TMEM63C: variants seen among roughly 807,000 people sequenced by gnomAD.
TMEM63C encodes osmosensitive cation channel TMEM63C.
TMEM63C carries 32 observed loss-of-function variants against 99.2 expected under a neutral mutation model. The observed-to-expected ratio is 0.32, with a 90% confidence interval of 0.24 to 0.43. The LOEUF is 0.43. Ranked by LOEUF, TMEM63C falls within the 20% of genes least tolerant of loss-of-function variation. TMEM63C has a pLI of 1.00. For synonymous variants in TMEM63C, 376 were observed against 397.9 expected (o/e 0.94, Z 0.66); for missense variants, 826 against 1,053.0 (o/e 0.78, Z 2.98).
At chr14:77,210,711 T>G (rs116567961) in intron 1 of TMEM63C, among the ~76,000 whole-genome samples, 5,157 of 151,200 alleles carry the variant, frequency 0.034, 158 homozygotes, top group African/African-American at 0.08. Flanking sequence ...GAGGTGGGAG[T>G]GGATGCCCAT....
intron 1 of TMEM63C, among the ~76,000 whole-genome samples, chr14:77,210,457 T>G (rs941696055): frequency 6.6e-6 from 1 of 152,180 alleles, no homozygotes; most frequent in African/African-American, 2.4e-5. Context: ...GAGGATGGTA[T>G]GGGGCAGGGA....
At position 77,249,236 on chromosome 14, in the gene TMEM63C, A is replaced by C. The variant is rs1403097687; in HGVS notation, c.1871-55A>C. The C allele has an allele frequency of 2.5e-6, 4 of 1,582,920 alleles. No individual in the cohort carries two copies. The African/African-American group carries it at 4.0e-5, about 16-fold the overall frequency. On this transcript the variant is annotated intron_variant, in intron 20 of 23. Transcript: ENST00000298351. ...TCAGGCCTGTGGAGACACTGGAGCCACAAAGGTCCAGACTTGAAGGGGCCA... is the reference window on the plus strand; with the variant it reads ...TCAGGCCTGTGGAGACACTGGAGCCCCAAAGGTCCAGACTTGAAGGGGCCA...
chr14:77,184,748 T>A (rs1051476911), intron 1 of TMEM63C, among the ~76,000 whole-genome samples: 3 of 152,048 alleles, frequency 2.0e-5, no homozygotes, highest in Non-Finnish European at 4.4e-5. Flanking sequence ...GCATGGGTGG[T>A]GTAAATGGAA....
intron 8 of TMEM63C, 146 bp downstream of exon 8, chr14:77,233,646 C>T: frequency 1.3e-6 from 1 of 788,550 alleles, no homozygotes; most frequent in Non-Finnish European, 2.1e-6. Context: ...GAGTGAGATG[C>T]CAGAAGCTGC....
intron 9 of TMEM63C, among the ~76,000 whole-genome samples, chr14:77,237,418 G>C (rs1170634355): frequency 6.6e-6 from 1 of 152,138 alleles, no homozygotes; most frequent in African/African-American, 2.4e-5. Context: ...GTTTATGGGA[G>C]GTGATCCCAG....
intron 6 of TMEM63C, among the ~76,000 whole-genome samples, chr14:77,227,532 T>C (rs1218053342): frequency 6.6e-6 from 1 of 152,212 alleles, no homozygotes; most frequent in East Asian, 1.9e-4. Context: ...GAGTTAGAGA[T>C]TTCAACTTGG....
At chr14:77,215,039 G>A (rs1353568011) in intron 2 of TMEM63C, among the ~76,000 whole-genome samples, 1 of 152,018 alleles carries the variant, frequency 6.6e-6, no homozygotes, top group African/African-American at 2.4e-5. Flanking sequence ...TTGCTGGGGG[G>A]AAGCCTCTAC....
In TMEM63C at chr14:77,239,595, G is replaced by T. The variant is rs559227190; in HGVS notation, c.807-8G>T. On this transcript the variant is annotated splice_region_variant and splice_polypyrimidine_tract_variant and intron_variant, in intron 11 of 23. Coordinates refer to ENST00000298351, the MANE Select transcript of TMEM63C (RefSeq NM_020431.4). ...GCAGGTCCTTCTCCTGTTGCCCACCGCTGGCAGGCGCCATGCCATGCGGGG... is the reference window on the plus strand; with the variant it reads ...GCAGGTCCTTCTCCTGTTGCCCACCTCTGGCAGGCGCCATGCCATGCGGGG... 6.2e-7 allele frequency: 1 copy of T among 1,613,222 alleles called. No homozygotes were observed. Among genetic ancestry groups the T allele is most frequent in the African/African-American group, 1.3e-5 (1 of 75,052 alleles).
chr14:77,191,780 G>A (rs1888115468), intron 1 of TMEM63C, among the ~76,000 whole-genome samples: 1 of 152,068 alleles, frequency 6.6e-6, no homozygotes, highest in Non-Finnish European at 1.5e-5. Context: ...CCGACCTCAG[G>A]TGATCCGCCT....
chr14:77,190,279 T>C (rs931453338), intron 1 of TMEM63C, among the ~76,000 whole-genome samples: 7 of 152,064 alleles, frequency 4.6e-5, no homozygotes, highest in Non-Finnish European at 8.8e-5. Context: ...AAACTGAGTT[T>C]TCATAAAATT....
At chr14:77,233,683 G>C (rs1888985390) in intron 8 of TMEM63C, among the ~76,000 whole-genome samples, 183 bp downstream of exon 8, 1 of 151,948 alleles carries the variant, frequency 6.6e-6, no homozygotes, top group African/African-American at 2.4e-5. Flanking sequence ...AGGACTCTTG[G>C]TGTGAGATGA....
chr14:77,221,825 C>G (rs1431282763), intron 5 of TMEM63C, among the ~76,000 whole-genome samples: 1 of 151,374 alleles, frequency 6.6e-6, no homozygotes, highest in Non-Finnish European at 1.5e-5. Flanking sequence ...TGCCTGCGTT[C>G]TCTGAAACGT....
In TMEM63C at chr14:77,245,923, T is replaced by C. The variant is rs750358883; in HGVS notation, c.1449-17T>C. 1 of 1,602,200 alleles carries C rather than the reference T, an allele frequency of 6.2e-7. No individual in the cohort carries two copies. ...TAGGCCACGTCCATTGATGAATATC[T>C]CTCTGTTTCCTTCTAGATCAAGTCA... On this transcript the variant is annotated splice_polypyrimidine_tract_variant and intron_variant, in intron 16 of 23. Coordinates refer to ENST00000298351, the MANE Select transcript of TMEM63C (RefSeq NM_020431.4).
intron 14 of TMEM63C, 24 bp downstream of exon 14, chr14:77,242,493 TCTCCTCTGAG>T (rs1418776453): frequency 4.3e-6 from 7 of 1,610,844 alleles, no homozygotes; most frequent in Non-Finnish European, 5.1e-6. Flanking sequence ...ATCCCTCCCC[TCTCCTCTGAG>T]CTCCTCTGAG....
rs138823818 is a variant in TMEM63C, at chr14:77,244,391, G to A, written c.1384G>A (p.Gly462Ser). Reference sequence around the variant, plus strand: ...GTTCTTCCCCTCTGTGATGCTCTGGGGCTTCACAGTGATACTGCCTCTGAT... The same window carrying A: ...GTTCTTCCCCTCTGTGATGCTCTGGAGCTTCACAGTGATACTGCCTCTGAT... ...TQFFPSVMLWGFTVILPLIVY... is the reference protein window; with the variant it reads ...TQFFPSVMLWSFTVILPLIVY... The change falls in exon 16 of 24, where the codon GGC becomes AGC. Residue 462 changes from glycine (G) to serine (S), a missense_variant. Transcript: ENST00000298351. 21 of 1,613,902 alleles carry A rather than the reference G, an allele frequency of 1.3e-5. No homozygotes were observed. In the East Asian group the frequency reaches 3.1e-4, roughly 24 times the overall value.
rs117970384 is a variant in TMEM63C at position 77,191,417 on chromosome 14, A to G, written c.-77+9523A>G. Among the ~76,000 whole-genome samples the G allele has an allele frequency of 1.3e-3, 191 of 151,874 alleles. 6 individuals are homozygous for G. The East Asian group carries it at 0.036, about 29-fold the overall frequency. ...AGAATGTTCCGTATGTGCTTGAGAT[A>G]ATGTATATTCTGCTGCTGTTTGGAG... On this transcript the variant is annotated intron_variant, in intron 1 of 23. Coordinates refer to ENST00000298351, the MANE Select transcript of TMEM63C (RefSeq NM_020431.4).
intron 1 of TMEM63C, 124 bp downstream of exon 1, chr14:77,182,018 A>T (rs936010026): frequency 6.6e-5 from 10 of 151,654 alleles, no homozygotes; most frequent in African/African-American, 2.4e-4. Context: ...GCTTTCTGAG[A>T]CCTTGCATTG....
intron 22 of TMEM63C, among the ~76,000 whole-genome samples, 162 bp downstream of exon 22, chr14:77,252,060 A>ATGCGTGCATGCCT (rs1016670651): frequency 2.9e-5 from 4 of 136,928 alleles, no homozygotes; most frequent in Non-Finnish European, 4.7e-5. Flanking sequence ...GCGTGCATGC[A>ATGCGTGCATGCCT]TGCGTGCATG....
At chr14:77,242,260 T>C in intron 13 of TMEM63C, 87 bp from the exon 14 acceptor site, 1 of 1,474,382 alleles carries the variant, frequency 6.8e-7, no homozygotes, top group Non-Finnish European at 9.3e-7. Context: ...ACCACCATAG[T>C]GGCCCTGAGC....
Sources: allele counts gnomAD v4.1 joint callset (sites outside exome capture counted in the v4.1 genomes callset), GRCh38; gene constraint gnomAD v4.1.1; transcripts MANE v1.5; gene names NCBI Gene and HGNC (gene_info 2026-07-23, HGNC 2026-07-21).